Variants in KATNIP observed in about 807,000 individuals in gnomAD.
KATNIP encodes katanin interacting protein.
KATNIP carries 126 observed loss-of-function variants against 174.0 expected under a neutral mutation model. That is an observed-to-expected ratio of 0.72 (90% CI 0.63 to 0.84). The LOEUF (loss-of-function observed/expected upper bound fraction) is 0.84. Ranked by LOEUF, KATNIP falls within the 40% of genes least tolerant of loss-of-function variation. The probability of loss-of-function intolerance (pLI) is 0.00; values close to 1 mark genes in which losing one functional copy is unlikely to be tolerated. For missense variants in KATNIP, 1,958 were observed against 2,109.7 expected (o/e 0.93, Z 1.41); for synonymous variants, 810 against 835.7 (o/e 0.97, Z 0.53).
Position 27,740,888 on chromosome 16 carries a change from G to C in KATNIP, c.2591G>C (p.Ser864Thr). ...GGCTCAAGGAAGGATGCTGGCAGCA[G>C]TAGTCATGGGGACGACCAGCCAGCC... ...RRGSRKDAGS[S>T]SHGDDQPASR... is the part of the protein sequence containing the mutation. Residue 864 changes from serine (S) to threonine (T), a missense_variant, in exon 15 of 28, where the codon AGT becomes ACT. By Grantham distance (58) the Ser-to-Thr change is moderately conservative. This residue lies in a region of KATNIP where 1,557 missense variants were observed against 1,617.8 expected (regional missense o/e 0.96). Transcript: ENST00000261588. 6.2e-7 allele frequency: 1 copy of C among 1,604,258 alleles called. No individual in the cohort carries two copies. Among genetic ancestry groups the C allele is most frequent in the Admixed American group, 1.7e-5 (1 of 58,040 alleles).
intron 5 of KATNIP, among the ~76,000 whole-genome samples, chr16:27,640,048 C>T (rs997807733): frequency 2.6e-5 from 4 of 152,180 alleles, no homozygotes; most frequent in Non-Finnish European, 5.9e-5. Context: ...AGCTTTAATG[C>T]ACACCTTTTA....
At chr16:27,760,134 G>C (rs139820006) in intron 18 of KATNIP, among the ~76,000 whole-genome samples, 1 of 152,180 alleles carries the variant, frequency 6.6e-6, no homozygotes. Flanking sequence ...TGGGCTTCCA[G>C]TTCCTCATCT....
In KATNIP at chr16:27,777,061, A is replaced by G; in HGVS notation, c.4551+32A>G. ...ACTTATTAGCTGAGTTTTTTGAGAT[A>G]ATTATGCTCGTTGGTAATTAGGCCG... On this transcript the variant is annotated intron_variant, in intron 25 of 27. Coordinates refer to ENST00000261588, the MANE Select transcript of KATNIP (RefSeq NM_015202.5). This position sits in a 1 kb window ranked among gnomAD's most constrained non-coding sequence, Gnocchi z 4.4. 7.2e-7 allele frequency: 1 copy of G among 1,395,756 alleles called. No individual in the cohort carries two copies. Among genetic ancestry groups the G allele is most frequent in the Non-Finnish European group, 1.0e-6 (1 of 986,232 alleles). The allele number at this position is 1,395,756 out of a possible 1,614,324, so 86.5% of individuals were successfully genotyped here.
intron 14 of KATNIP, among the ~76,000 whole-genome samples, chr16:27,722,042 A>G (rs2080266008): frequency 1.3e-5 from 2 of 152,236 alleles, no homozygotes; most frequent in Non-Finnish European, 2.9e-5. Flanking sequence ...GAACGCCTGC[A>G]TTTGGACTCC....
intron 13 of KATNIP, among the ~76,000 whole-genome samples, chr16:27,719,009 G>A (rs554339063): frequency 2.6e-5 from 4 of 152,202 alleles, no homozygotes; most frequent in Admixed American, 6.5e-5. Flanking sequence ...TCCTGGTGAC[G>A]GGGAGTCTGT....
chr16:27,767,018 G>A (rs1191882184), intron 20 of KATNIP, among the ~76,000 whole-genome samples: 1 of 152,170 alleles, frequency 6.6e-6, no homozygotes, highest in Non-Finnish European at 1.5e-5. Flanking sequence ...AGCAGCAGGG[G>A]GGCGCTTCTG....
chr16:27,634,187 C>T (rs1479307459), intron 5 of KATNIP, among the ~76,000 whole-genome samples: 1 of 152,192 alleles, frequency 6.6e-6, no homozygotes, highest in Non-Finnish European at 1.5e-5. Context: ...TCAGTCTCTC[C>T]TTGTGGTCCC....
intron 3 of KATNIP, among the ~76,000 whole-genome samples, chr16:27,624,379 G>A (rs2087496282): frequency 6.6e-6 from 1 of 152,130 alleles, no homozygotes; most frequent in South Asian, 2.1e-4. Flanking sequence ...CCTCATCTGT[G>A]CAGGTGATCC....
In KATNIP at chr16:27,605,228, C is replaced by T. The variant is rs188910910; in HGVS notation, c.64-13197C>T. Among the ~76,000 whole-genome samples the T allele has an allele frequency of 4.0e-4, 61 of 152,194 alleles. 2 individuals carry two copies. The highest frequency in any genetic ancestry group is 6.8e-3 in the Middle Eastern group (2 of 294). On this transcript the variant is annotated intron_variant, in intron 2 of 27. Transcript: ENST00000261588. ...GATTACAGGCGTGGGCCACCACACCCGACCTCAAGATTTTTTAAGTCTTCT... is the reference window on the plus strand; with the variant it reads ...GATTACAGGCGTGGGCCACCACACCTGACCTCAAGATTTTTTAAGTCTTCT...
rs577659129 is a variant in KATNIP at position 27,589,851 on chromosome 16, G to GGCAT, written c.63+15897_63+15900dup. ...TCTGTGGCCCAGGCTGCAGTGTAGT[G>GGCAT]GCATGATCTCCACTCACTGCAACCT... On this transcript the variant is annotated intron_variant, in intron 2 of 27. Coordinates refer to ENST00000261588, the MANE Select transcript of KATNIP (RefSeq NM_015202.5). Among the ~76,000 whole-genome samples the GGCAT allele has an allele frequency of 7.0e-4, 106 of 151,848 alleles. 1 individual carries two copies. In the East Asian group the frequency reaches 0.018, roughly 26 times the overall value.
chr16:27,699,720 C>A, intron 10 of KATNIP, 121 bp downstream of exon 10: 4 of 1,340,760 alleles, frequency 3.0e-6, no homozygotes, highest in South Asian at 1.4e-5. Context: ...GCCTCCAGGG[C>A]GCTTTCCTTC....
At chr16:27,612,955 A>G (rs2075940419) in intron 2 of KATNIP, among the ~76,000 whole-genome samples, 2 of 151,890 alleles carry the variant, frequency 1.3e-5, no homozygotes, top group African/African-American at 4.8e-5. Context: ...AAAAAAATAA[A>G]TAAATAAAAA....
intron 6 of KATNIP, among the ~76,000 whole-genome samples, chr16:27,660,652 T>A (rs78136615): frequency 1.3e-5 from 2 of 150,832 alleles, no homozygotes; most frequent in Non-Finnish European, 3.0e-5. Context: ...TTTTTTTTTT[T>A]AAGAGATGGG....
intron 10 of KATNIP, among the ~76,000 whole-genome samples, chr16:27,699,859 C>G (rs1323676200): frequency 1.3e-5 from 2 of 152,134 alleles, no homozygotes; most frequent in Non-Finnish European, 2.9e-5. Flanking sequence ...CTCACCCAGG[C>G]CTGCTGACTC....
chr16:27,653,170 C>G (rs1477845838), intron 6 of KATNIP, among the ~76,000 whole-genome samples: 1 of 152,140 alleles, frequency 6.6e-6, no homozygotes, highest in East Asian at 1.9e-4. Context: ...TATCCTGGAC[C>G]TGTCTCGTTC....
In KATNIP at chr16:27,740,629, C is replaced by T; in HGVS notation, c.2332C>T (p.Pro778Ser). The change falls in exon 15 of 28, where the codon CCC (proline) becomes TCC (serine). Residue 778 changes from proline to serine, a missense_variant. Transcript: ENST00000261588. ...GAAGCCAAAACCCCTCTGGCTTAGT[C>T]CCGAGAAGCCCCTGGCCTGGAAGGG... ...GRKPKPLWLS[P>S]EKPLAWKGRL... is the part of the protein sequence containing the mutation. 6.2e-7 allele frequency: 1 copy of T among 1,614,190 alleles called. No homozygotes were observed. Among genetic ancestry groups the T allele is most frequent in the Non-Finnish European group, 8.5e-7 (1 of 1,180,022 alleles).
intron 6 of KATNIP, among the ~76,000 whole-genome samples, chr16:27,660,471 C>T (rs2077437321): frequency 6.6e-6 from 1 of 152,108 alleles, no homozygotes; most frequent in African/African-American, 2.4e-5. Flanking sequence ...ATCACTTGAA[C>T]CCGGGAGGTG....
chr16:27,553,325 T>G (rs2089472509), intron 1 of KATNIP, among the ~76,000 whole-genome samples: 1 of 152,202 alleles, frequency 6.6e-6, no homozygotes, highest in African/African-American at 2.4e-5. Context: ...TTTCAACTTG[T>G]TTTCACTTGA....
At position 27,739,227 on chromosome 16, in the gene KATNIP, T is replaced by C. The variant is rs543522334; in HGVS notation, c.1744-814T>C. 3.9e-3 allele frequency among the ~76,000 whole-genome samples: 587 copies of C among 151,948 alleles called. 2 individuals are homozygous for C. Among genetic ancestry groups the C allele is most frequent in the Non-Finnish European group, 6.8e-3 (464 of 67,962 alleles). ...AGAGAGGCGAGGGACAGCTGGCGGA[T>C]TGGATGGGCAAGTGAGAAAGAGAGG... On this transcript the variant is annotated intron_variant, in intron 14 of 27. Transcript: ENST00000261588.
Sources: gnomAD v4.1 joint callset for allele counts (sites outside exome capture counted in the v4.1 genomes callset) on GRCh38, gnomAD v4.1.1 for gene constraint, gnomAD v4.1.1 regional missense constraint, Gnocchi (gnomAD v3.1) non-coding constraint, MANE v1.5 for transcripts, NCBI Gene and HGNC (gene_info 2026-07-23, HGNC 2026-07-21) for gene names.